The following CARMIL1 variants were observed in gnomAD, a reference collection of about 807,000 sequenced individuals.
The protein encoded by CARMIL1 is F-actin-uncapping protein LRRC16A.
Under a neutral mutation model 177.1 loss-of-function variants are expected in CARMIL1, and 90 were observed. The ratio of observed to expected loss-of-function variants is 0.51; its 90% confidence interval spans 0.43 to 0.61. CARMIL1 has a LOEUF of 0.61. Ranked by LOEUF, CARMIL1 falls within the 20% of genes least tolerant of loss-of-function variation. The pLI is 0.00. For missense variants in CARMIL1, 1,380 were observed against 1,667.0 expected, an observed-to-expected ratio of 0.83 and a Z score of 3.00; for synonymous variants, 577 against 606.2, an observed-to-expected ratio of 0.95 and a Z score of 0.71.
chr6:25,524,644 C>T (rs181150948), intron 23 of CARMIL1, among the ~76,000 whole-genome samples: 47 of 152,176 alleles, frequency 3.1e-4, no homozygotes, highest in African/African-American at 1.1e-3. Context: ...AGCATCAGAA[C>T]GAGACTTATC....
chr6:25,415,929 A>C (rs1331871501), intron 2 of CARMIL1, among the ~76,000 whole-genome samples: 1 of 151,920 alleles, frequency 6.6e-6, no homozygotes, highest in Non-Finnish European at 1.5e-5. Context: ...GAGATGGAGC[A>C]AGACGGGGTG....
intron 29 of CARMIL1, among the ~76,000 whole-genome samples, chr6:25,580,318 C>G (rs915681548): frequency 7.2e-5 from 11 of 152,292 alleles, no homozygotes; most frequent in African/African-American, 2.6e-4. Flanking sequence ...GGAAAGTGCT[C>G]TTCAGTTTTG....
chr6:25,473,764 G>A (rs914088699), intron 11 of CARMIL1, among the ~76,000 whole-genome samples: 4 of 152,144 alleles, frequency 2.6e-5, no homozygotes, highest in East Asian at 1.9e-4. Context: ...GTATACACCC[G>A]GGGGTGAGAA....
At chr6:25,367,341 C>G (rs1789933529) in intron 2 of CARMIL1, among the ~76,000 whole-genome samples, 1 of 152,092 alleles carries the variant, frequency 6.6e-6, no homozygotes, top group African/African-American at 2.4e-5. Context: ...ACAGTTTGGT[C>G]AAGTGGGATG....
intron 13 of CARMIL1, 149 bp downstream of exon 13, chr6:25,488,734 T>C: frequency 1.5e-6 from 1 of 673,224 alleles, no homozygotes; most frequent in Admixed American, 2.4e-5. Context: ...ATGAAGTGTT[T>C]TACTGAAAAT....
intron 11 of CARMIL1, among the ~76,000 whole-genome samples, chr6:25,479,737 G>T (rs1293699047): frequency 4.0e-5 from 6 of 151,824 alleles, no homozygotes; most frequent in African/African-American, 7.3e-5. Flanking sequence ...TTTTGAGCTG[G>T]ATAATTAGAT....
chr6:25,454,192 T>C (rs1799258059), intron 8 of CARMIL1, among the ~76,000 whole-genome samples: 1 of 152,240 alleles, frequency 6.6e-6, no homozygotes, highest in South Asian at 2.1e-4. Flanking sequence ...CTTTTCTTGC[T>C]TAATTAAGGG....
At chr6:25,304,777 C>T (rs1381128164) in intron 2 of CARMIL1, among the ~76,000 whole-genome samples, 4 of 152,182 alleles carry the variant, frequency 2.6e-5, no homozygotes, top group Admixed American at 2.0e-4. Context: ...GTTCCCTGCT[C>T]ATATATCAAA....
intron 2 of CARMIL1, among the ~76,000 whole-genome samples, chr6:25,296,893 T>TTATCTATC (rs6149486): frequency 0.024 from 2,055 of 85,886 alleles, 28 homozygotes; most frequent in South Asian, 0.033. Context: ...ATATCTATCT[T>TTATCTATC]TATCTATCTA....
intron 2 of CARMIL1, among the ~76,000 whole-genome samples, chr6:25,339,184 A>G (rs1786634820): frequency 1.3e-5 from 2 of 152,232 alleles, no homozygotes; most frequent in Admixed American, 1.3e-4. Flanking sequence ...CACACCCACT[A>G]TCTCCAATAA....
chr6:25,562,075 G>GT (rs917452352), intron 29 of CARMIL1, among the ~76,000 whole-genome samples: 13 of 151,908 alleles, frequency 8.6e-5, no homozygotes, highest in African/African-American at 3.1e-4. Context: ...TTGTTCTGAT[G>GT]TAATAATATT....
Position 25,509,845 on chromosome 6 carries a change from T to G in CARMIL1, c.1477+108T>G, listed in dbSNP as rs1805293748. On this transcript the variant is annotated intron_variant, in intron 18 of 36. Coordinates refer to ENST00000329474, the MANE Select transcript of CARMIL1 (RefSeq NM_017640.6). This position sits in a 1 kb window ranked among gnomAD's most constrained non-coding sequence, Gnocchi z 4.1. ...CCAAACAATAGCTTAATAAAAAAAT[T>G]GTTTTTTATTTTTTGACTAATAGGG... 1 of 770,838 alleles carries G rather than the reference T, an allele frequency of 1.3e-6. No homozygotes were observed. The highest frequency in any genetic ancestry group is 2.1e-6 in the Non-Finnish European group (1 of 481,972). 47.7% of individuals were successfully genotyped at this position (770,838 alleles called of 1,614,324 possible).
At chr6:25,469,885 G>A (rs184839455) in intron 9 of CARMIL1, among the ~76,000 whole-genome samples, 5 of 152,150 alleles carry the variant, frequency 3.3e-5, no homozygotes, top group Admixed American at 6.5e-5. Flanking sequence ...TAATATTAAG[G>A]TCAAGAACCA....
At position 25,528,912 on chromosome 6, in the gene CARMIL1, G is replaced by A. The variant is rs1280831836; in HGVS notation, c.2067+19G>A. On this transcript the variant is annotated intron_variant, in intron 24 of 36. Transcript: ENST00000329474. ...CCAGCAGGTAAGCGAGCCAGTGCCTGTGACTTCTCCTTCTATTCTTAACTG... is the reference window on the plus strand; with the variant it reads ...CCAGCAGGTAAGCGAGCCAGTGCCTATGACTTCTCCTTCTATTCTTAACTG... 6.3e-7 allele frequency: 1 copy of A among 1,582,118 alleles called. No individual in the cohort carries two copies. Among genetic ancestry groups the A allele is most frequent in the Non-Finnish European group, 8.6e-7 (1 of 1,158,940 alleles).
At chr6:25,502,152 C>T (rs565412050) in intron 17 of CARMIL1, among the ~76,000 whole-genome samples, 86 of 150,442 alleles carry the variant, frequency 5.7e-4, no homozygotes, top group African/African-American at 2.1e-3. Flanking sequence ...TTTACCAGCA[C>T]TTTACTGAGG....
intron 2 of CARMIL1, among the ~76,000 whole-genome samples, chr6:25,332,742 T>TACACACACAC (rs35133749): frequency 0.3 from 41,733 of 139,888 alleles, 6,582 homozygotes; most frequent in Non-Finnish European, 0.35. Context: ...CAAACATGCA[T>TACACACACAC]ACACACACAC....
intron 24 of CARMIL1, among the ~76,000 whole-genome samples, chr6:25,530,425 G>A (rs1437412447): frequency 6.6e-6 from 1 of 152,230 alleles, no homozygotes; most frequent in East Asian, 1.9e-4. Context: ...TGAGGCAGGA[G>A]AATCGCTTGA....
rs529659192 is a variant in CARMIL1 at position 25,576,335 on chromosome 6, G to A, written c.2743-4589G>A. Among the ~76,000 whole-genome samples the A allele has an allele frequency of 8.5e-5, 13 of 152,148 alleles. No homozygotes were observed. The East Asian group carries it at 2.3e-3, about 27-fold the overall frequency. On this transcript the variant is annotated intron_variant, in intron 29 of 36. Coordinates refer to ENST00000329474, the MANE Select transcript of CARMIL1 (RefSeq NM_017640.6). ...ACCTAAATTCCCACTAAGGTATAAG[G>A]TATCATCAATATTGAATTACACTGT...
intron 17 of CARMIL1, among the ~76,000 whole-genome samples, chr6:25,506,001 A>G (rs1048035420): frequency 1.3e-5 from 2 of 152,206 alleles, no homozygotes; most frequent in African/African-American, 4.8e-5. Context: ...ATTGCAATTC[A>G]TGATGAGTAG....
Sources: gnomAD v4.1 joint callset for allele counts (sites outside exome capture counted in the v4.1 genomes callset) on GRCh38, gnomAD v4.1.1 for gene constraint, Gnocchi (gnomAD v3.1) non-coding constraint, MANE v1.5 for transcripts, NCBI Gene and HGNC (gene_info 2026-07-23, HGNC 2026-07-21) for gene names.